Variants in AOAH observed in about 807,000 individuals in gnomAD.
AOAH encodes the protein acyloxyacyl hydrolase.
A neutral mutation model predicts 92.2 loss-of-function variants in AOAH; 64 were observed. That is an observed-to-expected ratio of 0.69 (90% CI 0.57 to 0.86). AOAH has a LOEUF of 0.86. Among genes scored for constraint, AOAH ranks in the 40% least tolerant of loss-of-function variants. AOAH has a pLI of 0.00. For synonymous variants in AOAH, 263 were observed against 254.5 expected (o/e 1.03, Z -0.32); for missense variants, 656 against 694.6 (o/e 0.94, Z 0.62).
intron 3 of AOAH, among the ~76,000 whole-genome samples, chr7:36,661,516 C>G (rs1195179059): frequency 6.6e-6 from 1 of 152,192 alleles, no homozygotes; most frequent in Admixed American, 6.5e-5. Context: ...GACCTTTAGT[C>G]CCCTGATCTG....
chr7:36,550,046 G>A (rs1256036140), intron 13 of AOAH: 2 of 152,472 alleles, frequency 1.3e-5, no homozygotes, highest in African/African-American at 4.8e-5. Context: ...GTTACCACCT[G>A]TAACATATCT....
intron 11 of AOAH, among the ~76,000 whole-genome samples, chr7:36,605,110 T>G (rs756072980): frequency 1.3e-5 from 2 of 152,118 alleles, no homozygotes; most frequent in Non-Finnish European, 2.9e-5. Context: ...ACCATTTCCT[T>G]GAGTGGAAAT....
intron 1 of AOAH, chr7:36,690,165 T>C (rs1418180511): frequency 4.4e-6 from 2 of 454,948 alleles, no homozygotes; most frequent in Non-Finnish European, 8.8e-6. Flanking sequence ...CAGTTGTGGC[T>C]TCTCAGCACT....
intron 16 of AOAH, among the ~76,000 whole-genome samples, chr7:36,533,121 G>A (rs1784795671): frequency 6.6e-6 from 1 of 152,028 alleles, no homozygotes; most frequent in Non-Finnish European, 1.5e-5. Context: ...GAATCTGTGG[G>A]GGTGATTTCT....
intron 1 of AOAH, among the ~76,000 whole-genome samples, chr7:36,722,415 A>T (rs1016432212): frequency 2.0e-5 from 3 of 152,190 alleles, no homozygotes; most frequent in Non-Finnish European, 4.4e-5. Context: ...TTTAGTTTGC[A>T]ATGAGCCCAG....
chr7:36,654,785 T>C (rs942353972), intron 4 of AOAH, among the ~76,000 whole-genome samples: 2 of 152,158 alleles, frequency 1.3e-5, no homozygotes, highest in Non-Finnish European at 2.9e-5. Flanking sequence ...TGACAACACC[T>C]ACGGAGTCTC....
chr7:36,558,241 A>T (rs1456469825), intron 13 of AOAH, among the ~76,000 whole-genome samples: 2 of 152,166 alleles, frequency 1.3e-5, no homozygotes, highest in Non-Finnish European at 2.9e-5. Context: ...GGAGTTTGCT[A>T]GAAGTCCACT....
At chr7:36,723,946 G>T in intron 1 of AOAH, 76 bp downstream of exon 1, 1 of 1,470,424 alleles carries the variant, frequency 6.8e-7, no homozygotes, top group Non-Finnish European at 9.2e-7. Context: ...TAAAATATGT[G>T]ATTTATTACG....
intron 20 of AOAH, among the ~76,000 whole-genome samples, chr7:36,517,597 C>CTTTTT (rs70977159): frequency 5.6e-5 from 5 of 89,586 alleles, no homozygotes; most frequent in Admixed American, 1.5e-4. Flanking sequence ...GACTTTATAT[C>CTTTTT]TTTTTTTTTT....
rs57628897 is a variant in AOAH, at chr7:36,523,629, G to GTTTTTTTT, written c.1523-1522_1523-1515dup. 4.1e-3 allele frequency among the ~76,000 whole-genome samples: 407 copies of GTTTTTTTT among 100,110 alleles called. 29 individuals carry two copies. The highest frequency in any genetic ancestry group is 0.011 in the African/African-American group (275 of 24,686). The allele number at this position is 100,110 out of a possible 152,430, so 65.7% of individuals were successfully genotyped here. A position where few individuals can be genotyped will look rare whatever the true frequency, so the allele number is the denominator to read the frequency against. On this transcript the variant is annotated intron_variant, in intron 19 of 20. Coordinates refer to ENST00000617537, the MANE Select transcript of AOAH (RefSeq NM_001637.4). The stretch of plus-strand genomic sequence containing the variant: ...TCAGTTTGCCTGGCCTGTTTTGCCT[G>GTTTTTTTT]TTTTTTTTTTTTTTTTTTTTGGCAT...
intron 3 of AOAH, among the ~76,000 whole-genome samples, chr7:36,666,027 G>T (rs1219971320): frequency 2.0e-5 from 3 of 152,020 alleles, no homozygotes; most frequent in African/African-American, 7.2e-5. Flanking sequence ...TAATGTCTTT[G>T]TCTGGTTTTG....
chr7:36,698,735 TATA>T (rs1409353127), intron 1 of AOAH, among the ~76,000 whole-genome samples: 1 of 152,186 alleles, frequency 6.6e-6, no homozygotes, highest in Non-Finnish European at 1.5e-5. Flanking sequence ...AATACAATCA[TATA>T]ATGTTTAAAG....
intron 1 of AOAH, among the ~76,000 whole-genome samples, chr7:36,690,907 A>G (rs1306609520): frequency 6.6e-6 from 1 of 152,204 alleles, no homozygotes; most frequent in Non-Finnish European, 1.5e-5. Context: ...AATCCTTTTG[A>G]TGTGAAACAG....
At chr7:36,631,286 G>T (rs1280256433) in intron 6 of AOAH, among the ~76,000 whole-genome samples, 1 of 151,524 alleles carries the variant, frequency 6.6e-6, no homozygotes, top group Non-Finnish European at 1.5e-5. Context: ...GGCAGAGGTT[G>T]CAGTGAGCCA....
At chr7:36,594,458 T>A in intron 11 of AOAH, 28 bp from the exon 12 acceptor site, 1 of 1,559,764 alleles carries the variant, frequency 6.4e-7, no homozygotes. Flanking sequence ...GTAGCAATTA[T>A]CAAAATGGTC....
chr7:36,595,515 A>G (rs904201987), intron 11 of AOAH, among the ~76,000 whole-genome samples: 1 of 152,236 alleles, frequency 6.6e-6, no homozygotes. Flanking sequence ...ATCCTGGGCA[A>G]CAGAGCAAGA....
chr7:36,558,846 G>A (rs1379811068), intron 13 of AOAH, among the ~76,000 whole-genome samples: 1 of 152,230 alleles, frequency 6.6e-6, no homozygotes, highest in Non-Finnish European at 1.5e-5. Context: ...GTATTGGGGT[G>A]GGAGTGACCC....
intron 16 of AOAH, among the ~76,000 whole-genome samples, chr7:36,533,198 A>G (rs998083285): frequency 1.5e-4 from 22 of 151,554 alleles, no homozygotes; most frequent in African/African-American, 5.1e-4. Flanking sequence ...TTTGACTTTC[A>G]TGCTGTGGCT....
chr7:36,632,074 T>C lies in AOAH; in HGVS notation c.483A>G (p.Ser161=). 1 of 1,611,604 alleles carries C rather than the reference T, an allele frequency of 6.2e-7. No homozygotes were observed. Among genetic ancestry groups the C allele is most frequent in the South Asian group, 1.1e-5 (1 of 90,758 alleles). The change falls in exon 6 of 21, where the codon TCA becomes TCG. Residue 161 remains serine, a synonymous_variant. Transcript: ENST00000617537. The stretch of plus-strand genomic sequence containing the variant: ...GGCAGATCTTGGCCAAAACCGGGAG[T>C]GAACAAATGTCAGAACCACTTCTAG... ...KYSRSGSDIC[S]LPVLAKICQK...
Sources: allele counts gnomAD v4.1 joint callset (sites outside exome capture counted in the v4.1 genomes callset), GRCh38; gene constraint gnomAD v4.1.1; transcripts MANE v1.5; gene names NCBI Gene and HGNC (gene_info 2026-07-23, HGNC 2026-07-21).